VAT1L: variants seen among roughly 807,000 people sequenced by gnomAD.
VAT1L encodes the protein putative NADPH-dependent quinone oxidoreductase VAT1L.
In VAT1L, 34 loss-of-function variants were observed where a neutral mutation model predicts 44.1. That is an observed-to-expected ratio of 0.77 (90% confidence interval 0.59 to 1.03). VAT1L has a LOEUF of 1.03. Ranked by LOEUF, VAT1L falls within the 50% of genes least tolerant of loss-of-function variation. The pLI is 0.00. For missense variants in VAT1L, 615 were observed against 538.8 expected, an observed-to-expected ratio of 1.14 and a Z score of -1.40; for synonymous variants, 253 against 202.2, an observed-to-expected ratio of 1.25 and a Z score of -2.13.
chr16:77,840,404 G>A (rs963675223), intron 3 of VAT1L, among the ~76,000 whole-genome samples: 6 of 152,284 alleles, frequency 3.9e-5, no homozygotes, highest in African/African-American at 1.4e-4. Flanking sequence ...GCTGGTGGAA[G>A]GGCTGACCTC....
intron 7 of VAT1L, among the ~76,000 whole-genome samples, chr16:77,915,038 T>C (rs2017538146): frequency 6.6e-6 from 1 of 152,046 alleles, no homozygotes; most frequent in South Asian, 2.1e-4. Context: ...GGCAGGAGAA[T>C]CGCTTGAACC....
At chr16:77,863,227 G>C (rs903214740) in intron 4 of VAT1L, among the ~76,000 whole-genome samples, 2 of 152,196 alleles carry the variant, frequency 1.3e-5, no homozygotes, top group African/African-American at 4.8e-5. Context: ...TTCTGTAAGA[G>C]CATTCAGAGA....
chr16:77,843,656 C>T (rs892115689), intron 3 of VAT1L, among the ~76,000 whole-genome samples: 3 of 152,264 alleles, frequency 2.0e-5, no homozygotes, highest in Admixed American at 6.5e-5. Flanking sequence ...CCCATCCCCA[C>T]GATGAGAAAA....
At chr16:77,894,531 T>A (rs906777973) in intron 7 of VAT1L, among the ~76,000 whole-genome samples, 8 of 152,072 alleles carry the variant, frequency 5.3e-5, no homozygotes, top group African/African-American at 1.9e-4. Context: ...AGAAAGCCAA[T>A]TCGTGGTTGC....
chr16:77,873,372 G>A (rs2017052071), intron 4 of VAT1L, among the ~76,000 whole-genome samples: 1 of 152,150 alleles, frequency 6.6e-6, no homozygotes, highest in African/African-American at 2.4e-5. Context: ...TGTTATATAG[G>A]AGAGCTCTGA....
At chr16:77,949,051 A>G (rs1275886462) in intron 7 of VAT1L, among the ~76,000 whole-genome samples, 1 of 152,212 alleles carries the variant, frequency 6.6e-6, no homozygotes, top group Non-Finnish European at 1.5e-5. Flanking sequence ...ATCTGTATCT[A>G]TCAGTAATCA....
At chr16:77,812,723 CT>C (rs1030463791) in intron 1 of VAT1L, among the ~76,000 whole-genome samples, 3 of 152,176 alleles carry the variant, frequency 2.0e-5, no homozygotes, top group Non-Finnish European at 2.9e-5. Flanking sequence ...TTTCCTGTAT[CT>C]TCCCTAACAT....
At chr16:77,825,564 C>A in intron 3 of VAT1L, 103 bp downstream of exon 3, 3 of 1,299,664 alleles carry the variant, frequency 2.3e-6, no homozygotes, top group Non-Finnish European at 3.2e-6. Context: ...TAGCAGGAAT[C>A]ATCACTATGG....
intron 4 of VAT1L, among the ~76,000 whole-genome samples, chr16:77,868,337 CA>C (rs2016996968): frequency 6.6e-6 from 1 of 152,122 alleles, no homozygotes; most frequent in Non-Finnish European, 1.5e-5. Context: ...GTGAGGCCTA[CA>C]AACAGACTAC....
intron 7 of VAT1L, among the ~76,000 whole-genome samples, chr16:77,923,186 C>T (rs1362525514): frequency 6.6e-6 from 1 of 152,230 alleles, no homozygotes; most frequent in African/African-American, 2.4e-5. Context: ...CGCAGTGGCT[C>T]ACGCCTGTAA....
intron 3 of VAT1L, among the ~76,000 whole-genome samples, chr16:77,841,593 T>C (rs1462279515): frequency 6.6e-6 from 1 of 152,186 alleles, no homozygotes; most frequent in East Asian, 1.9e-4. Context: ...AGGAATGTCC[T>C]CTATGTCAAA....
chr16:77,857,787 A>G (rs1367048413), intron 3 of VAT1L, among the ~76,000 whole-genome samples: 1 of 150,852 alleles, frequency 6.6e-6, no homozygotes, highest in East Asian at 1.9e-4. Context: ...TATATGTTAT[A>G]TAATAATATA....
chr16:77,936,793 G>A (rs1481542052), intron 7 of VAT1L, among the ~76,000 whole-genome samples: 1 of 152,168 alleles, frequency 6.6e-6, no homozygotes, highest in Non-Finnish European at 1.5e-5. Context: ...GAGGAAGAGG[G>A]AGCAAGGGTT....
chr16:77,793,479 C>A (rs879682773), intron 1 of VAT1L, among the ~76,000 whole-genome samples: 6 of 152,128 alleles, frequency 3.9e-5, no homozygotes, highest in Middle Eastern at 3.2e-3. Context: ...CAGAACTGTG[C>A]CTTTGCTGCT....
At chr16:77,942,428 A>G (rs2017898217) in intron 7 of VAT1L, among the ~76,000 whole-genome samples, 1 of 148,354 alleles carries the variant, frequency 6.7e-6, no homozygotes, top group Non-Finnish European at 1.5e-5. Flanking sequence ...CATATCAATC[A>G]GTGATGTTGA....
intron 1 of VAT1L, among the ~76,000 whole-genome samples, chr16:77,805,583 G>A (rs1180488321): frequency 2.9e-5 from 3 of 102,094 alleles, no homozygotes; most frequent in South Asian, 3.0e-4. Context: ...ACAAAGCCTC[G>A]CACGAGGTCT....
intron 4 of VAT1L, among the ~76,000 whole-genome samples, chr16:77,868,875 C>G (rs1434116293): frequency 6.6e-6 from 1 of 152,096 alleles, no homozygotes; most frequent in Non-Finnish European, 1.5e-5. Flanking sequence ...CATTAGATGC[C>G]AGTGGCACCC....
rs533781779 is a variant in VAT1L at position 77,972,561 on chromosome 16, A to G, written c.1161+628A>G. On this transcript the variant is annotated intron_variant, in intron 8 of 8. Transcript: ENST00000302536. The stretch of plus-strand genomic sequence containing the variant: ...TTGGGGAGGCTGAGGCGGGTGGATC[A>G]TCTGAGGTCAGGAGTTTGAGACCAG... Among the ~76,000 whole-genome samples, 650 of 152,116 alleles carry G rather than the reference A, an allele frequency of 4.3e-3. 7 individuals carry two copies. Among genetic ancestry groups the G allele is most frequent in the African/African-American group, 0.015 (617 of 41,522 alleles).
chr16:77,937,266 A>C (rs969411047), intron 7 of VAT1L, among the ~76,000 whole-genome samples: 1 of 152,156 alleles, frequency 6.6e-6, no homozygotes, highest in Non-Finnish European at 1.5e-5. Flanking sequence ...CTCCTCACGC[A>C]AATCAGTTGA....
Sources: gnomAD v4.1 joint callset for allele counts (sites outside exome capture counted in the v4.1 genomes callset) on GRCh38, gnomAD v4.1.1 for gene constraint, MANE v1.5 for transcripts, NCBI Gene and HGNC (gene_info 2026-07-23, HGNC 2026-07-21) for gene names.